The following CDH13 variants were observed in gnomAD, a reference collection of about 807,000 sequenced individuals.
The protein encoded by CDH13 is cadherin-13.
A neutral mutation model predicts 63.8 loss-of-function variants in CDH13; 24 were observed. The ratio of observed to expected loss-of-function variants is 0.38; its 90% CI spans 0.27 to 0.53. CDH13 has a LOEUF of 0.53. Ranked by LOEUF, CDH13 falls within the 20% of genes least tolerant of loss-of-function variation. CDH13 has a pLI of 0.85. For missense variants in CDH13, 1,049 were observed against 903.1 expected, an observed-to-expected ratio of 1.16 and a Z score of -2.07; for synonymous variants, 503 against 355.3, an observed-to-expected ratio of 1.42 and a Z score of -4.67.
chr16:83,537,860 G>T (rs1035016640), intron 7 of CDH13, among the ~76,000 whole-genome samples: 2 of 152,114 alleles, frequency 1.3e-5, no homozygotes, highest in African/African-American at 4.8e-5. Context: ...ATTTCTAAAA[G>T]AATATTATTT....
At chr16:82,698,720 A>G (rs1240782867) in intron 1 of CDH13, among the ~76,000 whole-genome samples, 1 of 152,208 alleles carries the variant, frequency 6.6e-6, no homozygotes, top group African/African-American at 2.4e-5. Flanking sequence ...GAATAGCTCC[A>G]TGGCACAGGG....
intron 5 of CDH13, among the ~76,000 whole-genome samples, chr16:83,251,391 T>C (rs1413538866): frequency 5.9e-5 from 9 of 152,224 alleles, no homozygotes; most frequent in African/African-American, 2.2e-4. Context: ...TGCCCCATTT[T>C]AAAGAGAAGG....
intron 7 of CDH13, among the ~76,000 whole-genome samples, chr16:83,596,397 G>T (rs554138333): frequency 6.6e-6 from 1 of 151,036 alleles, no homozygotes; most frequent in Admixed American, 6.6e-5. Flanking sequence ...TCAGAATCCA[G>T]TTGTCCCAGC....
chr16:83,694,653 G>A (rs969145766), intron 10 of CDH13, among the ~76,000 whole-genome samples: 1 of 152,166 alleles, frequency 6.6e-6, no homozygotes, highest in African/African-American at 2.4e-5. Context: ...CAGGTGACAT[G>A]GGCCAGCAAC....
At chr16:82,938,773 A>C (rs1222555569) in intron 2 of CDH13, among the ~76,000 whole-genome samples, 1 of 152,204 alleles carries the variant, frequency 6.6e-6, no homozygotes, top group Non-Finnish European at 1.5e-5. Context: ...TAGGCAACTA[A>C]AGTTTAATCC....
intron 5 of CDH13, among the ~76,000 whole-genome samples, chr16:83,305,624 G>C (rs985465655): frequency 8.5e-5 from 13 of 152,182 alleles, no homozygotes; most frequent in Non-Finnish European, 1.9e-4. Flanking sequence ...TGATGCAGTG[G>C]AATACAGGCG....
intron 7 of CDH13, among the ~76,000 whole-genome samples, chr16:83,532,792 A>G (rs2075108895): frequency 6.6e-6 from 1 of 152,192 alleles, no homozygotes. Context: ...GCACTAGAGC[A>G]GTTGTCCCAT....
chr16:83,554,467 G>A (rs1421117220), intron 7 of CDH13, among the ~76,000 whole-genome samples: 1 of 152,076 alleles, frequency 6.6e-6, no homozygotes, highest in African/African-American at 2.4e-5. Flanking sequence ...TGTGAAGGAA[G>A]GGAACACGAA....
intron 3 of CDH13, among the ~76,000 whole-genome samples, chr16:83,100,088 G>A (rs1369983675): frequency 6.6e-6 from 1 of 152,106 alleles, no homozygotes; most frequent in East Asian, 1.9e-4. Context: ...TTTTCAACTA[G>A]ATTAACTCAT....
At chr16:83,688,397 C>T (rs1904522838) in intron 10 of CDH13, among the ~76,000 whole-genome samples, 1 of 152,054 alleles carries the variant, frequency 6.6e-6, no homozygotes, top group African/African-American at 2.4e-5. Flanking sequence ...ATTTCTAATC[C>T]CAAAACCAGG....
At chr16:82,705,213 G>A (rs2031390163) in intron 1 of CDH13, 1 of 454,726 alleles carries the variant, frequency 2.2e-6, no homozygotes, top group Non-Finnish European at 4.4e-6. Context: ...GAGCTTTCAG[G>A]TATATAGCAC....
At chr16:82,908,936 G>A (rs1473109423) in intron 2 of CDH13, among the ~76,000 whole-genome samples, 1 of 152,060 alleles carries the variant, frequency 6.6e-6, no homozygotes, top group Non-Finnish European at 1.5e-5. Context: ...ATATAAGGAG[G>A]GTCACTTTTT....
chr16:83,575,292 G>T (rs375186075), intron 7 of CDH13, among the ~76,000 whole-genome samples: 13 of 152,296 alleles, frequency 8.5e-5, no homozygotes, highest in Admixed American at 5.9e-4. Flanking sequence ...CTTTAAATAG[G>T]TGGATTGTGC....
chr16:83,749,800 T>C (rs16961677), intron 11 of CDH13, among the ~76,000 whole-genome samples: 8,104 of 152,184 alleles, frequency 0.053, 311 homozygotes, highest in East Asian at 0.11. Context: ...CTAACTGTTC[T>C]GATGGAGCTA....
chr16:83,350,111 C>A (rs373182487), intron 6 of CDH13, among the ~76,000 whole-genome samples: 1 of 152,174 alleles, frequency 6.6e-6, no homozygotes, highest in African/African-American at 2.4e-5. Flanking sequence ...AGGCACTTGC[C>A]GCCAGCTGTG....
At chr16:83,207,762 TAAAAA>T (rs57095409) in intron 4 of CDH13, among the ~76,000 whole-genome samples, 258 of 124,840 alleles carry the variant, frequency 2.1e-3, no homozygotes, top group African/African-American at 6.6e-3. Flanking sequence ...ATACTCTCCT[TAAAAA>T]AAAAAAAAAA....
chr16:83,677,698 C>T (rs1915074991), intron 9 of CDH13, among the ~76,000 whole-genome samples: 1 of 152,128 alleles, frequency 6.6e-6, no homozygotes, highest in Admixed American at 6.5e-5. Flanking sequence ...TCCATTTGAT[C>T]CACTGTGATC....
At chr16:83,464,949 C>T (rs1172310939) in intron 6 of CDH13, among the ~76,000 whole-genome samples, 1 of 152,124 alleles carries the variant, frequency 6.6e-6, no homozygotes, top group Non-Finnish European at 1.5e-5. Flanking sequence ...TTTACTGTAT[C>T]TAGCAAGGGC....
intron 1 of CDH13, chr16:82,826,252 T>A (rs2038248117): frequency 6.6e-6 from 1 of 152,212 alleles, no homozygotes; most frequent in South Asian, 2.1e-4. Context: ...AAATGAAATC[T>A]TGAAATCAGA....
Sources: gnomAD v4.1 joint callset for allele counts (sites outside exome capture counted in the v4.1 genomes callset) on GRCh38, gnomAD v4.1.1 for gene constraint, MANE v1.5 for transcripts, NCBI Gene and HGNC (gene_info 2026-07-23, HGNC 2026-07-21) for gene names.